MOXD1: variants seen among roughly 807,000 people sequenced by gnomAD.
MOXD1 encodes DBH-like monooxygenase protein 1.
MOXD1 carries 62 observed loss-of-function variants against 66.6 expected under a neutral mutation model. The ratio of observed to expected loss-of-function variants is 0.93; its 90% CI spans 0.76 to 1.15. The LOEUF is 1.15. Among genes scored for constraint, MOXD1 ranks in the 50% most tolerant of loss-of-function variants. MOXD1 has a pLI of 0.00. For missense variants in MOXD1, 847 were observed against 754.6 expected (o/e 1.12, Z -1.44); for synonymous variants, 303 against 281.9 (o/e 1.07, Z -0.75).
chr6:132,355,486 C>T (rs1379468704), intron 4 of MOXD1, among the ~76,000 whole-genome samples: 5 of 152,170 alleles, frequency 3.3e-5, no homozygotes, highest in African/African-American at 1.2e-4. Context: ...GGAGCAATGG[C>T]GTGCTAATCC....
At position 132,401,434 on chromosome 6, in the gene MOXD1, C is replaced by A; in HGVS notation, c.-8G>T. ...CAGCGGCCAGCAGCACATCCTCGGG[C>A]GCCTCCTGCCCGCCGGTACCGGCCT... On this transcript the variant is annotated 5_prime_UTR_variant, in exon 1 of 12. Transcript: ENST00000367963. 6.8e-7 allele frequency: 1 copy of A among 1,462,650 alleles called. No homozygotes were observed. The allele number at this position is 1,462,650 out of a possible 1,614,324, so 90.6% of individuals were successfully genotyped here.
chr6:132,316,489 C>G (rs1774962375), intron 9 of MOXD1, among the ~76,000 whole-genome samples: 1 of 151,782 alleles, frequency 6.6e-6, no homozygotes, highest in Admixed American at 6.6e-5. Context: ...AAAACATGCT[C>G]AAGTAGTTAA....
intron 1 of MOXD1, among the ~76,000 whole-genome samples, chr6:132,394,173 A>G (rs1261554860): frequency 1.3e-5 from 2 of 152,152 alleles, no homozygotes; most frequent in African/African-American, 4.8e-5. Context: ...ATCACACCCT[A>G]AACCACTGAG....
intron 10 of MOXD1, among the ~76,000 whole-genome samples, chr6:132,308,761 G>A (rs537961928): frequency 3.2e-4 from 48 of 152,172 alleles, no homozygotes; most frequent in African/African-American, 1.1e-3. Context: ...CAGAATCAAA[G>A]TCAAAAACCA....
rs764191582 is a variant in MOXD1 at position 132,323,971 on chromosome 6, A to G, written c.1073T>C (p.Phe358Ser). ...FHTIPPGMPE[F>S]QSEGHCTLEC... ...CAAAGTGCAGTGACCCTCAGACTGG[A>G]ACTCAGGCATCCCTGGAGGGATGGT... Residue 358 changes from phenylalanine (F) to serine (S), a missense_variant, in exon 7 of 12, where the codon TTC becomes TCC. By Grantham distance (155) the Phe-to-Ser change is radical. Transcript: ENST00000367963. The G allele has an allele frequency of 6.2e-7, 1 of 1,613,728 alleles. No homozygotes were observed. The highest frequency in any genetic ancestry group is 8.5e-7 in the Non-Finnish European group (1 of 1,179,886).
At chr6:132,383,999 G>A (rs1056827923) in intron 1 of MOXD1, among the ~76,000 whole-genome samples, 1 of 151,216 alleles carries the variant, frequency 6.6e-6, no homozygotes, top group Non-Finnish European at 1.5e-5. Context: ...GAACCCGGGA[G>A]GTGGAGGTTG....
intron 4 of MOXD1, among the ~76,000 whole-genome samples, chr6:132,360,128 T>C (rs1311697012): frequency 1.3e-5 from 2 of 152,244 alleles, no homozygotes; most frequent in African/African-American, 4.8e-5. Context: ...GGGACCAATG[T>C]GTAATACTTC....
At position 132,380,589 on chromosome 6, in the gene MOXD1, A is replaced by G. The variant is rs1776487479; in HGVS notation, c.265-5812T>C. On this transcript the variant is annotated intron_variant, in intron 1 of 11. Transcript: ENST00000367963. ...TCTCTGAATTCCTATTCCTCTATTT[A>G]CATTCCCATGTAGCATGCAATCTAT... is the stretch of plus-strand genomic sequence containing the variant. Among the ~76,000 whole-genome samples the G allele has an allele frequency of 1.3e-5, 2 of 152,124 alleles. 1 individual carries two copies. Among genetic ancestry groups the G allele is most frequent in the South Asian group, 4.1e-4 (2 of 4,828 alleles).
intron 4 of MOXD1, among the ~76,000 whole-genome samples, chr6:132,331,684 T>C (rs1775322222): frequency 6.6e-6 from 1 of 152,190 alleles, no homozygotes; most frequent in African/African-American, 2.4e-5. Context: ...ATAATCCTTA[T>C]CTTACAGATT....
intron 4 of MOXD1, among the ~76,000 whole-genome samples, chr6:132,361,869 T>C (rs1776024112): frequency 6.6e-6 from 1 of 152,166 alleles, no homozygotes; most frequent in African/African-American, 2.4e-5. Flanking sequence ...ACAAATACAT[T>C]CATGTTAAAT....
intron 1 of MOXD1, among the ~76,000 whole-genome samples, chr6:132,376,921 G>C (rs1206494768): frequency 1.3e-5 from 2 of 152,116 alleles, no homozygotes; most frequent in Non-Finnish European, 2.9e-5. Flanking sequence ...CCATTTTACA[G>C]ATGAAGACAT....
At chr6:132,318,085 A>C (rs969058564) in intron 9 of MOXD1, among the ~76,000 whole-genome samples, 5 of 151,958 alleles carry the variant, frequency 3.3e-5, no homozygotes, top group Non-Finnish European at 4.4e-5. Flanking sequence ...TACCACATTT[A>C]TTTGTTCTCC....
chr6:132,319,844 CT>C (rs914754180), intron 9 of MOXD1, among the ~76,000 whole-genome samples: 105 of 152,170 alleles, frequency 6.9e-4, no homozygotes, highest in African/African-American at 2.4e-3. Context: ...AATGTCTCCC[CT>C]GTCAACAATA....
intron 4 of MOXD1, among the ~76,000 whole-genome samples, chr6:132,370,677 T>C (rs1213921764): frequency 6.6e-6 from 1 of 152,144 alleles, no homozygotes; most frequent in Admixed American, 6.6e-5. Context: ...AAATCCCTTT[T>C]GCTCAAGGTA....
At chr6:132,359,407 A>G (rs146493681) in intron 4 of MOXD1, among the ~76,000 whole-genome samples, 47 of 152,116 alleles carry the variant, frequency 3.1e-4, no homozygotes, top group Middle Eastern at 3.4e-3. Context: ...GGTTACATGC[A>G]CATGTGTGCA....
intron 1 of MOXD1, 98 bp from the exon 2 acceptor site, chr6:132,374,875 TTTTA>T: frequency 8.0e-7 from 1 of 1,242,330 alleles, no homozygotes; most frequent in Non-Finnish European, 1.1e-6. Context: ...TCTAGAGTTA[TTTTA>T]TAAATCCCGG....
intron 4 of MOXD1, among the ~76,000 whole-genome samples, chr6:132,349,112 T>A (rs1390739316): frequency 6.6e-6 from 1 of 151,860 alleles, no homozygotes; most frequent in Non-Finnish European, 1.5e-5. Flanking sequence ...TTATTTGTAG[T>A]CTTTTTATCC....
At chr6:132,362,766 G>C (rs549954487) in intron 4 of MOXD1, among the ~76,000 whole-genome samples, 1 of 152,152 alleles carries the variant, frequency 6.6e-6, no homozygotes, top group African/African-American at 2.4e-5. Context: ...GCTACAAGAC[G>C]TGTCCAATAA....
intron 5 of MOXD1, 97 bp downstream of exon 5, chr6:132,328,318 C>A: frequency 6.9e-7 from 1 of 1,456,660 alleles, no homozygotes; most frequent in Non-Finnish European, 9.3e-7. Context: ...TCAAAAGTAG[C>A]GTTAAAGCTT....
Sources: gnomAD v4.1 joint callset for allele counts (sites outside exome capture counted in the v4.1 genomes callset) on GRCh38, gnomAD v4.1.1 for gene constraint, MANE v1.5 for transcripts, NCBI Gene and HGNC (gene_info 2026-07-23, HGNC 2026-07-21) for gene names.